The following ADAD1 variants were observed in gnomAD, a reference collection of about 807,000 sequenced individuals.
ADAD1 encodes adenosine deaminase domain-containing protein 1.
A neutral mutation model predicts 66.8 loss-of-function variants in ADAD1; 46 were observed. The ratio of observed to expected loss-of-function variants is 0.69; its 90% CI spans 0.54 to 0.88. The LOEUF (loss-of-function observed/expected upper bound fraction) is 0.88. Among genes scored for constraint, ADAD1 ranks in the 40% least tolerant of loss-of-function variants. The pLI is 0.00. For synonymous variants in ADAD1, 248 were observed against 229.4 expected (o/e 1.08, Z -0.73); for missense variants, 617 against 681.8 (o/e 0.91, Z 1.06).
chr4:122,386,089 C>T (rs1282810905), intron 5 of ADAD1, among the ~76,000 whole-genome samples: 1 of 152,088 alleles, frequency 6.6e-6, no homozygotes, highest in Non-Finnish European at 1.5e-5. Flanking sequence ...AATGGTATTT[C>T]TGGTTCTAGA....
intron 4 of ADAD1, among the ~76,000 whole-genome samples, chr4:122,382,859 A>G (rs1394482842): frequency 6.6e-6 from 1 of 152,190 alleles, no homozygotes; most frequent in Non-Finnish European, 1.5e-5. Flanking sequence ...TGTTATGGGG[A>G]AAGCAGTTTA....
chr4:122,382,087 G>C (rs1794924450), intron 4 of ADAD1, among the ~76,000 whole-genome samples: 1 of 152,192 alleles, frequency 6.6e-6, no homozygotes, highest in African/African-American at 2.4e-5. Flanking sequence ...TGGTGGTAAT[G>C]TAGAAGGTGG....
intron 5 of ADAD1, among the ~76,000 whole-genome samples, chr4:122,388,467 G>T (rs1795280489): frequency 6.6e-6 from 1 of 152,156 alleles, no homozygotes; most frequent in Admixed American, 6.5e-5. Flanking sequence ...TGTATTTCTG[G>T]TAGAATTCAG....
At position 122,412,652 on chromosome 4, in the gene ADAD1, C is replaced by A; in HGVS notation, c.1092C>A (p.Gly364=). Residue 364 remains glycine, a synonymous_variant, in exon 10 of 13, where the codon GGC becomes GGA. Coordinates refer to ENST00000296513, the MANE Select transcript of ADAD1 (RefSeq NM_139243.4). ...EELCLHVAVE[G]KIYLTVYCPK... is the part of the protein sequence containing the mutation. Reference sequence around the variant, plus strand: ...TCTGTCTCCACGTGGCTGTTGAAGGCAAAATTTATCTGACTGTTTACTGTC... The same window carrying A: ...TCTGTCTCCACGTGGCTGTTGAAGGAAAAATTTATCTGACTGTTTACTGTC... 6.2e-7 allele frequency: 1 copy of A among 1,613,860 alleles called. No homozygotes were observed. The highest frequency in any genetic ancestry group is 1.3e-5 in the African/African-American group (1 of 75,014).
At chr4:122,388,961 G>T (rs942602180) in intron 5 of ADAD1, among the ~76,000 whole-genome samples, 3 of 152,028 alleles carry the variant, frequency 2.0e-5, no homozygotes, top group Non-Finnish European at 2.9e-5. Context: ...TGATGTTCGG[G>T]TATCAATATC....
In ADAD1 at chr4:122,428,412, A is replaced by T. The variant is rs367843990; in HGVS notation, c.1618-1214A>T. 2.6e-5 allele frequency among the ~76,000 whole-genome samples: 4 copies of T among 152,334 alleles called. No homozygotes were observed. The East Asian group carries it at 5.8e-4, about 22-fold the overall frequency. ...GTTTGGCATTTTCTTAAGATGGTAA[A>T]TGTGTGATCAGCAATTCCACCGGTA... On this transcript the variant is annotated intron_variant, in intron 12 of 12. Transcript: ENST00000296513.
At chr4:122,425,189 C>T (rs1392859160) in intron 12 of ADAD1, among the ~76,000 whole-genome samples, 1 of 152,028 alleles carries the variant, frequency 6.6e-6, no homozygotes, top group Non-Finnish European at 1.5e-5. Context: ...TTGAACACTA[C>T]CAACCAATCA....
At position 122,396,291 on chromosome 4, in the gene ADAD1, T is replaced by G; in HGVS notation, c.638T>G (p.Val213Gly). 1 of 1,598,582 alleles carries G rather than the reference T, an allele frequency of 6.3e-7. No individual in the cohort carries two copies. The highest frequency in any genetic ancestry group is 8.5e-7 in the Non-Finnish European group (1 of 1,173,708). Residue 213 changes from valine (V) to glycine (G), a missense_variant, in exon 7 of 13, where the codon GTT becomes GGT. Val to Gly is a moderately radical substitution (Grantham distance 109). Coordinates refer to ENST00000296513, the MANE Select transcript of ADAD1 (RefSeq NM_139243.4). Reference protein sequence around the residue: ...HIQYAKISQIVKERFNQLISN... With the variant: ...HIQYAKISQIGKERFNQLISN... ...CAATATGCAAAGATTTCACAGATCGTTAAAGAAAGATTTAATCAACTAATT... is the reference window on the plus strand; with the variant it reads ...CAATATGCAAAGATTTCACAGATCGGTAAAGAAAGATTTAATCAACTAATT...
At chr4:122,396,561 A>G (rs1313439685) in intron 7 of ADAD1, among the ~76,000 whole-genome samples, 184 bp downstream of exon 7, 1 of 152,222 alleles carries the variant, frequency 6.6e-6, no homozygotes, top group East Asian at 1.9e-4. Context: ...CCAGGACCCA[A>G]CAGAGAACTG....
rs1796451280 is a variant in ADAD1 at position 122,411,241 on chromosome 4, C to A, written c.868C>A (p.Leu290Met). 1 of 1,601,864 alleles carries A rather than the reference C, an allele frequency of 6.2e-7. No homozygotes were observed. The highest frequency in any genetic ancestry group is 8.5e-7 in the Non-Finnish European group (1 of 1,176,828). The part of the protein sequence containing the change: ...SLLRYFYRQL[L>M]LFYSKNPAMM... ...TTTTAGGTACTTTTATAGACAACTT[C>A]TGCTCTTCTACAGCAAAAATCCTGC... is the stretch of plus-strand genomic sequence containing the variant. Residue 290 changes from leucine to methionine, a missense_variant, in exon 9 of 13, where the codon CTG becomes ATG. By Grantham distance (15) the Leu-to-Met change is conservative (BLOSUM62 2). Transcript: ENST00000296513.
intron 11 of ADAD1, 51 bp downstream of exon 11, chr4:122,415,667 C>T (rs1796699606): frequency 1.4e-6 from 2 of 1,451,946 alleles, no homozygotes; most frequent in East Asian, 2.3e-5. Flanking sequence ...CAAAAGAAGA[C>T]ATTTTATTGC....
chr4:122,406,578 T>C (rs1365388568), intron 7 of ADAD1, among the ~76,000 whole-genome samples: 5 of 152,230 alleles, frequency 3.3e-5, no homozygotes, highest in African/African-American at 1.2e-4. Flanking sequence ...AGATGGTTTT[T>C]ACTTCAGTAG....
At chr4:122,396,530 G>C (rs1246816412) in intron 7 of ADAD1, among the ~76,000 whole-genome samples, 153 bp downstream of exon 7, 2 of 152,100 alleles carry the variant, frequency 1.3e-5, no homozygotes, top group Non-Finnish European at 2.9e-5. Context: ...GCTTCTCCAA[G>C]GTAGAGATAA....
chr4:122,418,306 CTTTTTT>C, intron 11 of ADAD1, among the ~76,000 whole-genome samples: 1 of 94,642 alleles, frequency 1.1e-5, no homozygotes, highest in South Asian at 4.4e-4. Context: ...ACGTTATTTT[CTTTTTT>C]TTTTTTTTTT....
chr4:122,429,102 G>T (rs1484394492), intron 12 of ADAD1, among the ~76,000 whole-genome samples: 1 of 150,714 alleles, frequency 6.6e-6, no homozygotes, highest in Non-Finnish European at 1.5e-5. Flanking sequence ...CAATTAGTAT[G>T]ATTAATCTTT....
At chr4:122,421,209 A>G (rs1796986023) in intron 11 of ADAD1, 52 bp from the exon 12 acceptor site, 3 of 1,392,144 alleles carry the variant, frequency 2.2e-6, no homozygotes, top group Admixed American at 2.1e-5. Context: ...TACAATTGCC[A>G]ACATAAATTA....
intron 7 of ADAD1, 100 bp from the exon 8 acceptor site, chr4:122,407,808 T>C: frequency 7.2e-6 from 9 of 1,252,002 alleles, no homozygotes; most frequent in Non-Finnish European, 9.7e-6. Flanking sequence ...TTTCAGTTAA[T>C]ATATTCTACT....
intron 5 of ADAD1, among the ~76,000 whole-genome samples, chr4:122,384,932 T>C (rs1449906686): frequency 6.6e-6 from 1 of 152,200 alleles, no homozygotes; most frequent in African/African-American, 2.4e-5. Context: ...AATGGTGCCT[T>C]AATTACAACT....
At chr4:122,397,828 A>C (rs1795787300) in intron 7 of ADAD1, among the ~76,000 whole-genome samples, 1 of 152,212 alleles carries the variant, frequency 6.6e-6, no homozygotes, top group Non-Finnish European at 1.5e-5. Context: ...GCTAGTGTGA[A>C]GCTGATTGAA....
Sources: allele counts gnomAD v4.1 joint callset (sites outside exome capture counted in the v4.1 genomes callset), GRCh38; gene constraint gnomAD v4.1.1; transcripts MANE v1.5; gene names NCBI Gene and HGNC (gene_info 2026-07-23, HGNC 2026-07-21).